The following STAG1 variants were observed in gnomAD, a reference collection of about 807,000 sequenced individuals.
The protein encoded by STAG1 is STAG1 cohesin complex component, also known as cohesin subunit SA-1.
Under a neutral mutation model 170.9 loss-of-function variants are expected in STAG1, and 26 were observed. That is an observed-to-expected ratio of 0.15 (90% CI 0.11 to 0.21). STAG1 has a LOEUF of 0.21. STAG1 is among the 10% of genes least tolerant of loss of function. The pLI is 1.00. For missense variants in STAG1, 964 were observed against 1,509.5 expected, an observed-to-expected ratio of 0.64 and a Z score of 5.99; for synonymous variants, 514 against 497.7, an observed-to-expected ratio of 1.03 and a Z score of -0.44.
At chr3:136,699,541 C>G (rs867878156) in intron 1 of STAG1, among the ~76,000 whole-genome samples, 1 of 151,930 alleles carries the variant, frequency 6.6e-6, no homozygotes, top group Admixed American at 6.6e-5. Context: ...AGCGCCACCA[C>G]GTCTAATTTA....
chr3:136,341,683 C>T (rs1016354841), intron 30 of STAG1, 132 bp from the exon 31 acceptor site: 78 of 614,902 alleles, frequency 1.3e-4, no homozygotes, highest in Non-Finnish European at 2.1e-4. Flanking sequence ...ATTCTGGTGC[C>T]TTTTTATAAA....
chr3:136,599,479 C>T (rs561817441), intron 4 of STAG1, among the ~76,000 whole-genome samples: 2 of 152,146 alleles, frequency 1.3e-5, no homozygotes, highest in Admixed American at 1.3e-4. Context: ...TGCAGTGAGC[C>T]GAGATTGCGC....
intron 9 of STAG1, among the ~76,000 whole-genome samples, chr3:136,499,524 ATCTT>A (rs1367977915): frequency 2.0e-5 from 3 of 152,198 alleles, no homozygotes; most frequent in Non-Finnish European, 4.4e-5. Flanking sequence ...TCTATTTATT[ATCTT>A]TGTCTATCTA....
intron 1 of STAG1, among the ~76,000 whole-genome samples, chr3:136,652,228 A>G (rs1361218418): frequency 6.6e-6 from 1 of 152,244 alleles, no homozygotes; most frequent in Non-Finnish European, 1.5e-5. Flanking sequence ...AGGAGGAAAA[A>G]TTGTTAAAAG....
At chr3:136,606,750 C>CTTT (rs529115947) in intron 3 of STAG1, among the ~76,000 whole-genome samples, 21 of 126,928 alleles carry the variant, frequency 1.7e-4, no homozygotes, top group Admixed American at 4.0e-4. Flanking sequence ...AGGTAACATG[C>CTTT]TTTTTTTTTT....
intron 9 of STAG1, among the ~76,000 whole-genome samples, chr3:136,479,081 T>C (rs571567526): frequency 1.3e-5 from 2 of 151,052 alleles, no homozygotes; most frequent in East Asian, 1.9e-4. Context: ...TTTTTTAATT[T>C]TTTTTTTTAT....
At chr3:136,688,452 T>C in intron 1 of STAG1, among the ~76,000 whole-genome samples, 1 of 152,156 alleles carries the variant, frequency 6.6e-6, no homozygotes, top group East Asian at 1.9e-4. Context: ...AAGGCTGCAG[T>C]GCAGTGGCAC....
chr3:136,506,504 G>C (rs1933772050), intron 7 of STAG1, among the ~76,000 whole-genome samples: 1 of 145,216 alleles, frequency 6.9e-6, no homozygotes, highest in Admixed American at 6.9e-5. Flanking sequence ...AAATTTCCCA[G>C]ATGTGGTGAC....
intron 4 of STAG1, among the ~76,000 whole-genome samples, chr3:136,579,957 A>ATT (rs1162464973): frequency 2.1e-5 from 2 of 95,630 alleles, no homozygotes; most frequent in Admixed American, 2.0e-4. Flanking sequence ...ATACCATCTG[A>ATT]ATTTTTTTTT....
At chr3:136,435,187 C>T (rs1304364518) in intron 15 of STAG1, among the ~76,000 whole-genome samples, 1 of 152,086 alleles carries the variant, frequency 6.6e-6, no homozygotes, top group Non-Finnish European at 1.5e-5. Context: ...TGTTTAATTT[C>T]TATAACGCTA....
intron 22 of STAG1, among the ~76,000 whole-genome samples, chr3:136,384,771 A>G (rs949964969): frequency 5.2e-5 from 7 of 134,636 alleles, no homozygotes; most frequent in African/African-American, 1.2e-4. Flanking sequence ...CCATTTCAAG[A>G]AAAAAAAAAA....
At chr3:136,391,994 T>C (rs2087022722) in intron 22 of STAG1, among the ~76,000 whole-genome samples, 1 of 152,208 alleles carries the variant, frequency 6.6e-6, no homozygotes, top group Non-Finnish European at 1.5e-5. Context: ...TACTGTTGAG[T>C]TAAATTATAA....
intron 1 of STAG1, among the ~76,000 whole-genome samples, chr3:136,670,139 A>G (rs759333264): frequency 3.9e-4 from 59 of 152,366 alleles, no homozygotes; most frequent in Middle Eastern, 3.4e-3. Context: ...TTTTGATATT[A>G]TAGAATCATC....
rs932606881 is a variant in STAG1, at chr3:136,604,198, T to C, written c.297+111A>G. On this transcript the variant is annotated intron_variant, in intron 4 of 33. Transcript: ENST00000383202. ...TAACCTTTCAGGATAAACTGAAAGG[T>C]TGCTTACATAATCAACAGAAGTATA... is the stretch of plus-strand genomic sequence containing the variant. 2.1e-5 allele frequency: 20 copies of C among 953,292 alleles called. No individual in the cohort carries two copies. In the East Asian group the frequency reaches 4.7e-4, roughly 23 times the overall value. The allele number at this position is 953,292 out of a possible 1,614,324, so 59.1% of individuals were successfully genotyped here.
At chr3:136,582,677 T>C (rs1937615505) in intron 4 of STAG1, among the ~76,000 whole-genome samples, 1 of 152,162 alleles carries the variant, frequency 6.6e-6, no homozygotes, top group African/African-American at 2.4e-5. Flanking sequence ...TGCGTGCCTG[T>C]AGTCCCAGTT....
At chr3:136,746,158 G>A (rs1265964594) in intron 1 of STAG1, among the ~76,000 whole-genome samples, 1 of 152,130 alleles carries the variant, frequency 6.6e-6, no homozygotes, top group Admixed American at 6.5e-5. Context: ...TGTGGCTTAT[G>A]CAAGAATATC....
intron 30 of STAG1, 49 bp from the exon 31 acceptor site, chr3:136,341,600 A>G: frequency 7.9e-7 from 1 of 1,261,026 alleles, no homozygotes; most frequent in Non-Finnish European, 1.2e-6. Flanking sequence ...TGATGAATTT[A>G]GCTAATGAGC....
intron 1 of STAG1, among the ~76,000 whole-genome samples, chr3:136,693,157 C>G (rs1006930566): frequency 2.0e-5 from 3 of 152,084 alleles, no homozygotes; most frequent in African/African-American, 7.2e-5. Context: ...GCAGATTTCA[C>G]CAATAAAAAG....
At chr3:136,504,818 A>G (rs550929588) in intron 7 of STAG1, among the ~76,000 whole-genome samples, 2 of 152,162 alleles carry the variant, frequency 1.3e-5, no homozygotes, top group Admixed American at 6.6e-5. Flanking sequence ...TTTCAGCTGT[A>G]TATCTTCTTG....
Sources: gnomAD v4.1 joint callset for allele counts (sites outside exome capture counted in the v4.1 genomes callset) on GRCh38, gnomAD v4.1.1 for gene constraint, MANE v1.5 for transcripts, NCBI Gene and HGNC (gene_info 2026-07-23, HGNC 2026-07-21) for gene names.